Variants in SRGAP3 observed in about 807,000 individuals in gnomAD.
The protein encoded by SRGAP3 is SLIT-ROBO Rho GTPase activating protein 3.
In SRGAP3, 39 loss-of-function variants were observed where a neutral mutation model predicts 121.1. The observed-to-expected ratio is 0.32, with a 90% CI of 0.25 to 0.42. The LOEUF (loss-of-function observed/expected upper bound fraction) is 0.42, where lower values mean the gene tolerates loss of function less well. Ranked by LOEUF, SRGAP3 falls within the 10% of genes least tolerant of loss-of-function variation. The probability of loss-of-function intolerance (pLI) is 1.00; values close to 1 mark genes in which losing one functional copy is unlikely to be tolerated. For missense variants in SRGAP3, 1,213 were observed against 1,470.6 expected (o/e 0.82, Z 2.86); for synonymous variants, 601 against 570.0 (o/e 1.05, Z -0.77).
At chr3:9,241,756 C>T (rs1953646795) in intron 1 of SRGAP3, among the ~76,000 whole-genome samples, 1 of 152,024 alleles carries the variant, frequency 6.6e-6, no homozygotes, top group East Asian at 1.9e-4. Context: ...TGGGTCCCTC[C>T]TGATGGTATT....
chr3:9,060,791 G>T (rs1181528019), intron 5 of SRGAP3, among the ~76,000 whole-genome samples: 1 of 151,650 alleles, frequency 6.6e-6, no homozygotes, highest in African/African-American at 2.4e-5. Context: ...GCCCTGCACA[G>T]CCACACCTAT....
intron 3 of SRGAP3, among the ~76,000 whole-genome samples, chr3:9,291,602 C>CCACACACACA (rs71049786): frequency 4.1e-5 from 6 of 147,030 alleles, no homozygotes; most frequent in African/African-American, 1.5e-4. Flanking sequence ...TGCATCAACA[C>CCACACACACA]CACACACACA....
At position 9,104,684 on chromosome 3, in the gene SRGAP3, T is replaced by C. The variant is rs1948349964; in HGVS notation, c.419A>G (p.Lys140Arg). Residue 140 changes from lysine to arginine, a missense_variant, in exon 3 of 22, where the codon AAA (lysine) becomes AGA (arginine). Coordinates refer to ENST00000383836, the MANE Select transcript of SRGAP3 (RefSeq NM_014850.4). Reference protein sequence around the residue: ...QISEDVIRLFKKSKEIGLQMH... With the variant: ...QISEDVIRLFRKSKEIGLQMH... Reference sequence around the variant, plus strand: ...TAGAGCAGCCCACTTGCCTACCTTTTTGAAGAGTCTGATGACATCCTCACT... The same window carrying C: ...TAGAGCAGCCCACTTGCCTACCTTTCTGAAGAGTCTGATGACATCCTCACT... 1.2e-6 allele frequency: 2 copies of C among 1,614,012 alleles called. No homozygotes were observed. The highest frequency in any genetic ancestry group is 1.7e-5 in the Admixed American group (1 of 60,006).
chr3:9,197,684 T>A (rs1395292287), intron 1 of SRGAP3, among the ~76,000 whole-genome samples: 1 of 152,214 alleles, frequency 6.6e-6, no homozygotes, highest in Non-Finnish European at 1.5e-5. Flanking sequence ...TGATCCCAGA[T>A]CATGCATCTC....
chr3:9,266,283 G>A (rs1349698742), intron 3 of SRGAP3, among the ~76,000 whole-genome samples: 6 of 152,016 alleles, frequency 3.9e-5, no homozygotes, highest in Non-Finnish European at 8.8e-5. Context: ...ATGACAGGTT[G>A]ACAGGTGCAG....
At chr3:9,360,286 A>G (rs181485180) in intron 1 of SRGAP3, among the ~76,000 whole-genome samples, 1 of 152,172 alleles carries the variant, frequency 6.6e-6, no homozygotes, top group African/African-American at 2.4e-5. Flanking sequence ...TAAAGCTATT[A>G]CAGATGTTCC....
chr3:9,154,201 A>G (rs1445242122), intron 1 of SRGAP3, among the ~76,000 whole-genome samples: 1 of 152,018 alleles, frequency 6.6e-6, no homozygotes, highest in Non-Finnish European at 1.5e-5. Flanking sequence ...ATCCCATCAC[A>G]CCACACACTC....
At chr3:9,086,818 TAC>T (rs1560114300) in intron 3 of SRGAP3, among the ~76,000 whole-genome samples, 1 of 149,184 alleles carries the variant, frequency 6.7e-6, no homozygotes, top group African/African-American at 2.4e-5. Flanking sequence ...AATATACATA[TAC>T]ATATAGGTAT....
At chr3:9,138,037 C>T (rs771857292) in intron 1 of SRGAP3, among the ~76,000 whole-genome samples, 1 of 152,214 alleles carries the variant, frequency 6.6e-6, no homozygotes, top group African/African-American at 2.4e-5. Flanking sequence ...TGCTGAATTT[C>T]CAGCTGCGTC....
In SRGAP3 at chr3:9,232,365, T is replaced by G. The variant is rs146634298; in HGVS notation, c.67+16520A>C. Among the ~76,000 whole-genome samples, 208 of 152,284 alleles carry G rather than the reference T, an allele frequency of 1.4e-3. 2 individuals carry two copies. The East Asian group carries it at 0.023, about 17-fold the overall frequency. ...CAATCAAAATTGAACAGTATAAAGA[T>G]GAAAAGGTCTTCTTTCCCCTGTCCC... On this transcript the variant is annotated intron_variant, in intron 1 of 21. Coordinates refer to ENST00000383836, the MANE Select transcript of SRGAP3 (RefSeq NM_014850.4).
chr3:9,130,968 G>A (rs1949423438), intron 1 of SRGAP3, among the ~76,000 whole-genome samples: 1 of 152,220 alleles, frequency 6.6e-6, no homozygotes, highest in African/African-American at 2.4e-5. Flanking sequence ...GAACCCTCCA[G>A]CAGTTTGCCG....
intron 3 of SRGAP3, among the ~76,000 whole-genome samples, chr3:9,288,986 T>C (rs1159729782): frequency 6.6e-6 from 1 of 152,180 alleles, no homozygotes; most frequent in Non-Finnish European, 1.5e-5. Context: ...AACCTCCACC[T>C]CCTGGATTCA....
In SRGAP3 at chr3:8,992,894, C is replaced by A. The variant is rs1375266759; in HGVS notation, c.2558+12G>T. ...GACACCAGCAGGGAAAAAATGAATC[C>A]GCATATCCTACCGGCCCATCACCCC... On this transcript the variant is annotated intron_variant, in intron 20 of 21. Transcript: ENST00000383836. The A allele has an allele frequency of 1.9e-6, 3 of 1,614,136 alleles. No homozygotes were observed. The highest frequency in any genetic ancestry group is 2.5e-6 in the Non-Finnish European group (3 of 1,180,032).
chr3:9,151,016 C>T (rs1457162973), intron 1 of SRGAP3, among the ~76,000 whole-genome samples: 1 of 152,176 alleles, frequency 6.6e-6, no homozygotes, highest in Non-Finnish European at 1.5e-5. Flanking sequence ...GGGAAATTGT[C>T]TTGAGGCTGG....
rs183426534 is a variant in SRGAP3 at position 9,198,006 on chromosome 3, T to C, written c.67+50879A>G. ...TACAAAAACTATCCTATTGTAGTTATTCTTCATTATATTATGACTTGCAGG... is the reference window on the plus strand; with the variant it reads ...TACAAAAACTATCCTATTGTAGTTACTCTTCATTATATTATGACTTGCAGG... On this transcript the variant is annotated intron_variant, in intron 1 of 21. Coordinates refer to ENST00000383836, the MANE Select transcript of SRGAP3 (RefSeq NM_014850.4). Among the ~76,000 whole-genome samples, 533 of 152,354 alleles carry C rather than the reference T, an allele frequency of 3.5e-3. 5 individuals are homozygous for C. Among genetic ancestry groups the C allele is most frequent in the African/African-American group, 0.012 (508 of 41,580 alleles).
chr3:9,348,430 C>T, intron 1 of SRGAP3: 1 of 625,722 alleles, frequency 1.6e-6, no homozygotes, highest in Non-Finnish European at 3.0e-6. Flanking sequence ...CGTCGCATCC[C>T]CAGCCCGCCA....
At chr3:9,256,237 T>C (rs6769075) in intron 3 of SRGAP3, among the ~76,000 whole-genome samples, 7,149 of 152,308 alleles carry the variant, frequency 0.047, 560 homozygotes, top group African/African-American at 0.16. Flanking sequence ...CCCACATGTC[T>C]GCGTGTGTGT....
At chr3:9,188,706 T>G (rs1439551029) in intron 1 of SRGAP3, among the ~76,000 whole-genome samples, 4 of 152,216 alleles carry the variant, frequency 2.6e-5, no homozygotes, top group Non-Finnish European at 5.9e-5. Flanking sequence ...CTTTGATGTG[T>G]GATCACTTCA....
rs1211556444 is a variant in SRGAP3 at position 9,226,987 on chromosome 3, CAAA to C, written c.67+21895_67+21897del. 6.6e-5 allele frequency among the ~76,000 whole-genome samples: 10 copies of C among 152,128 alleles called. No individual in the cohort carries two copies. The East Asian group carries it at 1.9e-3, about 30-fold the overall frequency. Reference sequence around the variant, plus strand: ...TCAAGGTGGATCCATTCCTCCAGGTCAAAAAAACCCACCTGCCCACAGGAGCCA... The same window carrying C: ...TCAAGGTGGATCCATTCCTCCAGGTCAAAACCCACCTGCCCACAGGAGCCA... On this transcript the variant is annotated intron_variant, in intron 1 of 21. Coordinates refer to ENST00000383836, the MANE Select transcript of SRGAP3 (RefSeq NM_014850.4).
Sources: gnomAD v4.1 joint callset for allele counts (sites outside exome capture counted in the v4.1 genomes callset) on GRCh38, gnomAD v4.1.1 for gene constraint, MANE v1.5 for transcripts, NCBI Gene and HGNC (gene_info 2026-07-23, HGNC 2026-07-21) for gene names.